The following SDK1 variants were observed in gnomAD, a reference collection of about 807,000 sequenced individuals.
SDK1 encodes the protein protein sidekick-1.
In SDK1, 157 loss-of-function variants were observed where a neutral mutation model predicts 245.5. The observed-to-expected ratio is 0.64, with a 90% confidence interval of 0.56 to 0.73. The LOEUF (loss-of-function observed/expected upper bound fraction) is 0.73, where lower values mean the gene tolerates loss of function less well. SDK1 is among the 30% of genes least tolerant of loss of function. The pLI is 0.00. For synonymous variants in SDK1, 1,647 were observed against 1,278.5 expected, an observed-to-expected ratio of 1.29 and a Z score of -6.15; for missense variants, 3,583 against 3,002.3, an observed-to-expected ratio of 1.19 and a Z score of -4.52.
At chr7:3,504,980 C>G (rs989963287) in intron 1 of SDK1, among the ~76,000 whole-genome samples, 5 of 152,134 alleles carry the variant, frequency 3.3e-5, no homozygotes, top group Non-Finnish European at 1.5e-5. Flanking sequence ...GATAGGCAGT[C>G]AGTAAACAAA....
At chr7:3,500,395 C>A (rs904251729) in intron 1 of SDK1, among the ~76,000 whole-genome samples, 1 of 151,896 alleles carries the variant, frequency 6.6e-6, no homozygotes, top group South Asian at 2.1e-4. Context: ...ATTTTTTCTA[C>A]CCTCTTTCTT....
chr7:4,014,735 G>A (rs1437058368), intron 16 of SDK1, among the ~76,000 whole-genome samples: 1 of 152,158 alleles, frequency 6.6e-6, no homozygotes, highest in South Asian at 2.1e-4. Context: ...GTTTATTTTT[G>A]TATAAAAAAT....
chr7:3,482,541 C>G (rs190802441), intron 1 of SDK1, among the ~76,000 whole-genome samples: 15 of 152,298 alleles, frequency 9.8e-5, no homozygotes, highest in Non-Finnish European at 1.9e-4. Flanking sequence ...GAGAAGGAAA[C>G]AAGCCTTAAC....
chr7:4,157,478 G>GAAGGAGGGAAGGAAGGAAGGAAGGA, intron 30 of SDK1, among the ~76,000 whole-genome samples: 1 of 136,008 alleles, frequency 7.4e-6, no homozygotes, highest in Non-Finnish European at 1.6e-5. Context: ...AGGAAGGAGG[G>GAAGGAGGGAAGGAAGGAAGGAAGGA]AAGGAAGGGA....
chr7:3,650,804 G>T (rs1192519556), intron 4 of SDK1, among the ~76,000 whole-genome samples: 2 of 149,546 alleles, frequency 1.3e-5, no homozygotes, highest in African/African-American at 4.9e-5. Flanking sequence ...GAATCATGCA[G>T]TATGTGACCT....
intron 1 of SDK1, among the ~76,000 whole-genome samples, chr7:3,566,012 A>G (rs1779903981): frequency 6.6e-6 from 1 of 152,196 alleles, no homozygotes; most frequent in Non-Finnish European, 1.5e-5. Context: ...TACAGCAACG[A>G]AAGCAATATA....
chr7:3,661,300 G>A (rs1302462878), intron 4 of SDK1, among the ~76,000 whole-genome samples: 2 of 152,198 alleles, frequency 1.3e-5, no homozygotes, highest in African/African-American at 2.4e-5. Context: ...GATTAACATT[G>A]CTGGATTAAA....
intron 7 of SDK1, 130 bp from the exon 8 acceptor site, chr7:3,958,801 T>A: frequency 1.3e-6 from 1 of 747,932 alleles, no homozygotes; most frequent in East Asian, 2.5e-5. Flanking sequence ...TGAGTTTGTA[T>A]GCACGATGCT....
intron 4 of SDK1, among the ~76,000 whole-genome samples, chr7:3,668,034 CAG>C (rs1185602085): frequency 1.3e-5 from 2 of 152,240 alleles, no homozygotes; most frequent in Non-Finnish European, 2.9e-5. Flanking sequence ...TCAAAGTCCT[CAG>C]GGAAATAATC....
chr7:3,756,971 A>AT (rs953399829), intron 4 of SDK1, among the ~76,000 whole-genome samples: 99 of 150,896 alleles, frequency 6.6e-4, no homozygotes, highest in African/African-American at 2.0e-3. Context: ...TAAAGTTACC[A>AT]TTTTTTTTTC....
At chr7:4,131,129 C>G (rs546921916) in intron 27 of SDK1, among the ~76,000 whole-genome samples, 56 of 152,286 alleles carry the variant, frequency 3.7e-4, no homozygotes, top group Non-Finnish European at 6.3e-4. Context: ...ATCTCCTGCT[C>G]CAGTGTATTC....
In SDK1 at chr7:4,074,911, TA is replaced by T. The variant is rs1442897030; in HGVS notation, c.3011-2086del. On this transcript the variant is annotated intron_variant, in intron 20 of 44. Coordinates refer to ENST00000404826, the MANE Select transcript of SDK1 (RefSeq NM_152744.4). ...GTATATATATATATATATATATATA[TA>T]TATATTTTTTTTTTTTTTTAATAAA... is the stretch of plus-strand genomic sequence containing the variant. Among the ~76,000 whole-genome samples the T allele has an allele frequency of 1.5e-3, 130 of 84,712 alleles. 2 individuals carry two copies. The highest frequency in any genetic ancestry group is 7.7e-3 in the African/African-American group (110 of 14,372). The allele number at this position is 84,712 out of a possible 152,430, so 55.6% of individuals were successfully genotyped here.
At chr7:4,111,837 A>G (rs568518630) in intron 23 of SDK1, among the ~76,000 whole-genome samples, 1 of 152,338 alleles carries the variant, frequency 6.6e-6, no homozygotes, top group South Asian at 2.1e-4. Context: ...TTGAATTCAA[A>G]TAATTGTTTA....
intron 44 of SDK1, among the ~76,000 whole-genome samples, chr7:4,261,249 T>C (rs1207475505): frequency 1.3e-5 from 2 of 152,034 alleles, no homozygotes; most frequent in Non-Finnish European, 2.9e-5. Flanking sequence ...CGGGTGCTGA[T>C]GTGGGTAATT....
intron 14 of SDK1, among the ~76,000 whole-genome samples, chr7:3,988,316 G>A (rs114564219): frequency 9.8e-4 from 148 of 151,452 alleles, no homozygotes; most frequent in African/African-American, 3.5e-3. Flanking sequence ...TGTTAACTAG[G>A]ATTCTGATCC....
chr7:3,410,065 TATATA>T (rs1779158887), intron 1 of SDK1, among the ~76,000 whole-genome samples: 1 of 152,180 alleles, frequency 6.6e-6, no homozygotes, highest in Non-Finnish European at 1.5e-5. Context: ...AATGAATTGA[TATATA>T]TAAAGTCCAT....
At chr7:4,160,627 G>C (rs1018413242) in intron 31 of SDK1, among the ~76,000 whole-genome samples, 9 of 152,188 alleles carry the variant, frequency 5.9e-5, no homozygotes, top group African/African-American at 2.2e-4. Flanking sequence ...ACGGTTTACT[G>C]ATGAACAGTT....
chr7:3,555,258 A>G (rs1395423546), intron 1 of SDK1, among the ~76,000 whole-genome samples: 1 of 152,162 alleles, frequency 6.6e-6, no homozygotes, highest in Non-Finnish European at 1.5e-5. Flanking sequence ...GAACAAAATT[A>G]AAATCCAGAA....
intron 4 of SDK1, among the ~76,000 whole-genome samples, chr7:3,764,454 G>A (rs1780193926): frequency 6.6e-6 from 1 of 152,174 alleles, no homozygotes; most frequent in South Asian, 2.1e-4. Flanking sequence ...GGGAGGCCGA[G>A]GCGGGTGGAT....
Sources: gnomAD v4.1 joint callset for allele counts (sites outside exome capture counted in the v4.1 genomes callset) on GRCh38, gnomAD v4.1.1 for gene constraint, MANE v1.5 for transcripts, NCBI Gene and HGNC (gene_info 2026-07-23, HGNC 2026-07-21) for gene names.